MTHFD1L: variants seen among roughly 807,000 people sequenced by gnomAD.
The protein encoded by MTHFD1L is monofunctional C1-tetrahydrofolate synthase, mitochondrial.
Under a neutral mutation model 119.5 loss-of-function variants are expected in MTHFD1L, and 81 were observed. The observed-to-expected ratio is 0.68, with a 90% CI of 0.57 to 0.82. The LOEUF (loss-of-function observed/expected upper bound fraction) is 0.82, where lower values mean the gene tolerates loss of function less well. Ranked by LOEUF, MTHFD1L falls within the 40% of genes least tolerant of loss-of-function variation. MTHFD1L has a pLI of 0.00. For synonymous variants in MTHFD1L, 430 were observed against 475.2 expected, an observed-to-expected ratio of 0.90 and a Z score of 1.24; for missense variants, 1,125 against 1,253.4, an observed-to-expected ratio of 0.90 and a Z score of 1.55.
At chr6:150,887,658 T>G (rs930432729) in intron 6 of MTHFD1L, among the ~76,000 whole-genome samples, 187 bp from the exon 7 acceptor site, 2 of 152,186 alleles carry the variant, frequency 1.3e-5, no homozygotes, top group Admixed American at 1.3e-4. Flanking sequence ...GGTTTTACCA[T>G]GTTGGCCAGG....
In MTHFD1L at chr6:151,047,913, G is replaced by A. The variant is rs577124621; in HGVS notation, c.2847+10796G>A. Among the ~76,000 whole-genome samples, 5 of 152,246 alleles carry A rather than the reference G, an allele frequency of 3.3e-5. No individual in the cohort carries two copies. In the South Asian group the frequency reaches 1.0e-3, roughly 32 times the overall value. On this transcript the variant is annotated intron_variant, in intron 26 of 27. Coordinates refer to ENST00000367321, the MANE Select transcript of MTHFD1L (RefSeq NM_015440.5). ...CTATACGGGAAGCATGGCTGGGGAG[G>A]CCTCAGGAAACTTACAATCATGGTG...
chr6:150,957,890 G>A (rs1738583), intron 17 of MTHFD1L, among the ~76,000 whole-genome samples: 121,952 of 152,082 alleles, frequency 0.8, 49,539 homozygotes, highest in East Asian at 0.97. Context: ...AAAGATGTAT[G>A]CCAACTGTTG....
At chr6:151,029,511 A>G (rs999495710) in intron 24 of MTHFD1L, among the ~76,000 whole-genome samples, 1 of 142,742 alleles carries the variant, frequency 7.0e-6, no homozygotes, top group Admixed American at 7.0e-5. Context: ...AAAATAACAA[A>G]TCAGGCCAGG....
intron 20 of MTHFD1L, among the ~76,000 whole-genome samples, chr6:150,990,725 G>A (rs952269716): frequency 3.3e-5 from 5 of 152,180 alleles, no homozygotes; most frequent in Admixed American, 1.3e-4. Flanking sequence ...GCCTTCCAAC[G>A]TGCTGGGATT....
chr6:150,951,583 T>C (rs1032160937), intron 16 of MTHFD1L, among the ~76,000 whole-genome samples: 1 of 152,168 alleles, frequency 6.6e-6, no homozygotes, highest in Non-Finnish European at 1.5e-5. Context: ...GTAATGGCCA[T>C]TTTAAATACT....
chr6:151,037,764 C>T (rs370616443), intron 26 of MTHFD1L, among the ~76,000 whole-genome samples: 5 of 152,286 alleles, frequency 3.3e-5, no homozygotes, highest in East Asian at 1.9e-4. Context: ...TCATTTGGTA[C>T]AGCTACACAG....
chr6:151,053,555 A>T (rs1689307242), intron 26 of MTHFD1L, among the ~76,000 whole-genome samples: 1 of 152,142 alleles, frequency 6.6e-6, no homozygotes, highest in Non-Finnish European at 1.5e-5. Flanking sequence ...TGCCATCTAA[A>T]AATATATATA....
intron 18 of MTHFD1L, among the ~76,000 whole-genome samples, chr6:150,964,068 C>G (rs1196751415): frequency 6.6e-6 from 1 of 152,130 alleles, no homozygotes; most frequent in African/African-American, 2.4e-5. Context: ...ACTGGGGAGG[C>G]TGAGGCAGAA....
chr6:150,868,791 C>G (rs578241868), intron 1 of MTHFD1L, among the ~76,000 whole-genome samples: 8 of 152,114 alleles, frequency 5.3e-5, no homozygotes, highest in Non-Finnish European at 1.0e-4. Flanking sequence ...GGCCAGGCAC[C>G]ATGGTTCATG....
intron 18 of MTHFD1L, among the ~76,000 whole-genome samples, chr6:150,964,574 CT>C (rs1796921455): frequency 6.6e-6 from 1 of 152,092 alleles, no homozygotes; most frequent in African/African-American, 2.4e-5. Context: ...TGTACAGAGC[CT>C]TGTTTCTGTT....
chr6:150,898,606 G>C (rs1249251463), intron 7 of MTHFD1L, among the ~76,000 whole-genome samples: 1 of 152,098 alleles, frequency 6.6e-6, no homozygotes, highest in Non-Finnish European at 1.5e-5. Flanking sequence ...ATAAATCCTC[G>C]GGGCTGCTGT....
chr6:151,000,335 CAAAAAAA>C (rs946814251), intron 20 of MTHFD1L, among the ~76,000 whole-genome samples: 1 of 75,304 alleles, frequency 1.3e-5, no homozygotes, highest in Non-Finnish European at 3.0e-5. Context: ...GACTCTGTCT[CAAAAAAA>C]AAAAAAAAAA....
chr6:150,936,188 C>T (rs1406905213), intron 11 of MTHFD1L, among the ~76,000 whole-genome samples: 1 of 150,816 alleles, frequency 6.6e-6, no homozygotes, highest in Non-Finnish European at 1.5e-5. Flanking sequence ...TGCCTTCTCT[C>T]TAGAACAAAG....
chr6:150,912,148 C>A (rs1436912455), intron 8 of MTHFD1L, among the ~76,000 whole-genome samples: 1 of 152,156 alleles, frequency 6.6e-6, no homozygotes, highest in Non-Finnish European at 1.5e-5. Flanking sequence ...CCCACCAGGC[C>A]CCACCCCCAA....
At chr6:150,914,846 G>C (rs1264863904) in intron 8 of MTHFD1L, among the ~76,000 whole-genome samples, 1 of 152,102 alleles carries the variant, frequency 6.6e-6, no homozygotes, top group Non-Finnish European at 1.5e-5. Flanking sequence ...CTTATCTCAG[G>C]CTTTTGTTAT....
At chr6:150,890,203 T>TAC (rs1782997089) in intron 7 of MTHFD1L, among the ~76,000 whole-genome samples, 1 of 152,072 alleles carries the variant, frequency 6.6e-6, no homozygotes, top group Non-Finnish European at 1.5e-5. Context: ...TGTGTATATA[T>TAC]ATATATAATA....
chr6:150,871,886 A>ATTTTTTTTTTTTT (rs985548250), intron 1 of MTHFD1L, among the ~76,000 whole-genome samples: 1 of 147,532 alleles, frequency 6.8e-6, no homozygotes, highest in African/African-American at 2.5e-5. Flanking sequence ...ATTTTATTTT[A>ATTTTTTTTTTTTT]TTTTATTTTT....
intron 7 of MTHFD1L, 125 bp downstream of exon 7, chr6:150,888,106 C>A: frequency 2.0e-6 from 2 of 1,019,980 alleles, no homozygotes; most frequent in Non-Finnish European, 2.6e-6. Context: ...GACCCATATC[C>A]ATTAAAGACA....
intron 15 of MTHFD1L, among the ~76,000 whole-genome samples, chr6:150,947,455 G>C (rs1434334084): frequency 3.3e-5 from 5 of 151,828 alleles, no homozygotes; most frequent in Non-Finnish European, 7.4e-5. Flanking sequence ...TTCTTGGCTT[G>C]GTGTGGTGGC....
Sources: allele counts gnomAD v4.1 joint callset (sites outside exome capture counted in the v4.1 genomes callset), GRCh38; gene constraint gnomAD v4.1.1; transcripts MANE v1.5; gene names NCBI Gene and HGNC (gene_info 2026-07-23, HGNC 2026-07-21).